LAMA2: variants seen among roughly 807,000 people sequenced by gnomAD.
LAMA2 encodes the protein laminin subunit alpha-2.
Under a neutral mutation model 364.8 loss-of-function variants are expected in LAMA2, and 269 were observed. The observed-to-expected ratio is 0.74, with a 90% CI of 0.67 to 0.82. The LOEUF is 0.82. LAMA2 is among the 40% of genes least tolerant of loss of function. The pLI, the probability that LAMA2 is intolerant of heterozygous loss-of-function variation, is 0.00. For synonymous variants in LAMA2, 1,379 were observed against 1,370.6 expected (o/e 1.01, Z -0.14); for missense variants, 3,807 against 3,873.2 (o/e 0.98, Z 0.45).
intron 8 of LAMA2, among the ~76,000 whole-genome samples, chr6:129,156,438 A>G (rs189205342): frequency 1.3e-5 from 2 of 151,812 alleles, no homozygotes; most frequent in African/African-American, 4.8e-5. Flanking sequence ...TGTAAAAAAA[A>G]TTTTTAAATA....
chr6:128,908,009 T>G (rs892871307), intron 1 of LAMA2, among the ~76,000 whole-genome samples: 2 of 151,976 alleles, frequency 1.3e-5, no homozygotes, highest in Admixed American at 1.3e-4. Context: ...TGGATAAGCT[T>G]TTTGATGTGC....
rs748346885 is a variant in LAMA2, at chr6:129,464,425, T to C, written c.7128T>C (p.Leu2376=). The part of the protein sequence containing the change: ...FKFRTFSSSA[L]LMYLATRDLR... ...TCAGAACATTTTCTTCGAGTGCTCTTCTGATGTATCTTGCCACACGAGACC... is the reference window on the plus strand; with the variant it reads ...TCAGAACATTTTCTTCGAGTGCTCTCCTGATGTATCTTGCCACACGAGACC... The change falls in exon 50 of 65, where the codon CTT becomes CTC. Residue 2376 remains leucine (L), a synonymous_variant. Coordinates refer to ENST00000421865, the MANE Select transcript of LAMA2 (RefSeq NM_000426.4). 3 of 1,612,294 alleles carry C rather than the reference T, an allele frequency of 1.9e-6. No individual in the cohort carries two copies. The highest frequency in any genetic ancestry group is 4.5e-5 in the East Asian group (2 of 44,830).
chr6:129,315,442 A>G (rs1774519925), intron 24 of LAMA2, 34 bp from the exon 25 acceptor site: 16 of 1,602,080 alleles, frequency 1.0e-5, no homozygotes, highest in Non-Finnish European at 1.4e-5. Context: ...CAAAGCGTAA[A>G]TTCAGCCTTC....
intron 9 of LAMA2, among the ~76,000 whole-genome samples, chr6:129,169,633 T>A (rs1392717571): frequency 3.4e-5 from 5 of 148,808 alleles, no homozygotes; most frequent in Non-Finnish European, 7.5e-5. Context: ...CTTTTTTGGT[T>A]GTGTCTCTGC....
Position 129,349,266 on chromosome 6 carries a change from CT to C in LAMA2, c.4437-25del, listed in dbSNP as rs777081108. 2.2e-5 allele frequency: 35 copies of C among 1,565,292 alleles called. No individual in the cohort carries two copies. The Admixed American group carries it at 4.7e-4, about 21-fold the overall frequency. The stretch of plus-strand genomic sequence containing the variant: ...TATTTTATAAAATAAATGGATTAAA[CT>C]TTTTTTGCAATCCTTTTCTTTCTGA... On this transcript the variant is annotated intron_variant, in intron 30 of 64. Coordinates refer to ENST00000421865, the MANE Select transcript of LAMA2 (RefSeq NM_000426.4).
chr6:129,439,510 C>T (rs1270832788), intron 42 of LAMA2, among the ~76,000 whole-genome samples: 1 of 151,970 alleles, frequency 6.6e-6, no homozygotes, highest in Non-Finnish European at 1.5e-5. Flanking sequence ...TAGGTGATAG[C>T]CCACTGCATT....
At chr6:129,125,479 T>C (rs1777059118) in intron 4 of LAMA2, among the ~76,000 whole-genome samples, 1 of 152,114 alleles carries the variant, frequency 6.6e-6, no homozygotes, top group Admixed American at 6.5e-5. Context: ...AGAGATGAAG[T>C]AGAGCTTGTA....
intron 15 of LAMA2, among the ~76,000 whole-genome samples, chr6:129,265,714 GGA>G (rs1441678967): frequency 3.3e-5 from 5 of 151,516 alleles, no homozygotes; most frequent in African/African-American, 1.2e-4. Flanking sequence ...GGGGCCTGTC[GGA>G]GGGTGGGGGG....
intron 29 of LAMA2, among the ~76,000 whole-genome samples, chr6:129,338,970 C>CG (rs1252890319): frequency 3.2e-5 from 1 of 30,786 alleles, no homozygotes; most frequent in African/African-American, 1.5e-4. Flanking sequence ...GTGGTGAAGG[C>CG]GGGGGTGGGG....
At position 128,887,641 on chromosome 6, in the gene LAMA2, G is replaced by A. The variant is rs147498790; in HGVS notation, c.112+4284G>A. Among the ~76,000 whole-genome samples, 224 of 152,110 alleles carry A rather than the reference G, an allele frequency of 1.5e-3. 3 individuals carry two copies. The East Asian group carries it at 0.039, about 27-fold the overall frequency. On this transcript the variant is annotated intron_variant, in intron 1 of 64. Coordinates refer to ENST00000421865, the MANE Select transcript of LAMA2 (RefSeq NM_000426.4). ...CGCAGCACTTTGGGAGGCCTAGGTG[G>A]GTGGATCACCTTAGGTCAGGAGTTC...
chr6:129,315,467 C>T lies in LAMA2; in HGVS notation c.3556-9C>T. On this transcript the variant is annotated splice_polypyrimidine_tract_variant and intron_variant, in intron 24 of 64. Coordinates refer to ENST00000421865, the MANE Select transcript of LAMA2 (RefSeq NM_000426.4). Reference sequence around the variant, plus strand: ...ATTCAGCCTTCTGCTGTATTTTGACCCCTTGCAGGTGACTCTGAAGGCTGA... The same window carrying T: ...ATTCAGCCTTCTGCTGTATTTTGACTCCTTGCAGGTGACTCTGAAGGCTGA... 1 of 1,613,526 alleles carries T rather than the reference C, an allele frequency of 6.2e-7. No homozygotes were observed. The highest frequency in any genetic ancestry group is 8.5e-7 in the Non-Finnish European group (1 of 1,179,526).
intron 9 of LAMA2, among the ~76,000 whole-genome samples, chr6:129,168,597 G>A (rs1779916365): frequency 6.8e-6 from 1 of 148,076 alleles, no homozygotes; most frequent in Non-Finnish European, 1.5e-5. Context: ...GTCAGGTAGT[G>A]TGATGCCTCC....
chr6:129,406,015 G>A (rs1173819294), intron 40 of LAMA2, among the ~76,000 whole-genome samples: 4 of 152,140 alleles, frequency 2.6e-5, no homozygotes, highest in Middle Eastern at 3.4e-3. Flanking sequence ...AAAAGGAAAA[G>A]GTCAAGTAGT....
At chr6:129,293,280 A>G (rs2114437691) in intron 20 of LAMA2, among the ~76,000 whole-genome samples, 1 of 152,354 alleles carries the variant, frequency 6.6e-6, no homozygotes, top group East Asian at 1.9e-4. Context: ...GGGTCATAAA[A>G]CTTTCAATTA....
intron 1 of LAMA2, among the ~76,000 whole-genome samples, chr6:129,018,727 A>G (rs1309350687): frequency 6.6e-6 from 1 of 152,086 alleles, no homozygotes; most frequent in Non-Finnish European, 1.5e-5. Context: ...ATCATGACTT[A>G]GCTACTTATA....
At chr6:129,430,888 T>G (rs757582249) in intron 41 of LAMA2, among the ~76,000 whole-genome samples, 10 of 152,000 alleles carry the variant, frequency 6.6e-5, no homozygotes, top group Non-Finnish European at 4.4e-5. Context: ...AATAATTTTT[T>G]TCAGTAAAAT....
At chr6:128,991,421 A>G (rs1783605269) in intron 1 of LAMA2, among the ~76,000 whole-genome samples, 1 of 152,196 alleles carries the variant, frequency 6.6e-6, no homozygotes, top group Non-Finnish European at 1.5e-5. Context: ...GATTCAATCT[A>G]TTATGGAAGC....
At chr6:129,512,596 A>G (rs1283994320) in intron 63 of LAMA2, 103 bp downstream of exon 63, 12 of 1,305,370 alleles carry the variant, frequency 9.2e-6, no homozygotes, top group Non-Finnish European at 1.1e-5. Context: ...GCCCGGCTGT[A>G]TTCTTTGTTG....
rs145097190 is a variant in LAMA2, at chr6:129,321,476, T to C, written c.4176+821T>C. On this transcript the variant is annotated intron_variant, in intron 28 of 64. Coordinates refer to ENST00000421865, the MANE Select transcript of LAMA2 (RefSeq NM_000426.4). ...AGACCCCACAGTCTGAAGCCTGGCATGCATGGGGCCTCCAGGACTGCTCCA... is the reference window on the plus strand; with the variant it reads ...AGACCCCACAGTCTGAAGCCTGGCACGCATGGGGCCTCCAGGACTGCTCCA... Among the ~76,000 whole-genome samples, 8 of 152,282 alleles carry C rather than the reference T, an allele frequency of 5.3e-5. No homozygotes were observed. The East Asian group carries it at 1.5e-3, about 29-fold the overall frequency.
Sources: gnomAD v4.1 joint callset for allele counts (sites outside exome capture counted in the v4.1 genomes callset) on GRCh38, gnomAD v4.1.1 for gene constraint, MANE v1.5 for transcripts, NCBI Gene and HGNC (gene_info 2026-07-23, HGNC 2026-07-21) for gene names.